PPHLN1: variants seen among roughly 807,000 people sequenced by gnomAD.
The protein encoded by PPHLN1 is periphilin-1.
PPHLN1 carries 29 observed loss-of-function variants against 51.3 expected under a neutral mutation model. The ratio of observed to expected loss-of-function variants is 0.57; its 90% CI spans 0.42 to 0.77. The LOEUF is 0.77. Ranked by LOEUF, PPHLN1 falls within the 30% of genes least tolerant of loss-of-function variation. PPHLN1 has a pLI of 0.00. For missense variants in PPHLN1, 436 were observed against 438.4 expected, an observed-to-expected ratio of 0.99 and a Z score of 0.05; for synonymous variants, 147 against 147.8, an observed-to-expected ratio of 0.99 and a Z score of 0.04.
chr12:42,382,082 T>G (rs187685234), intron 5 of PPHLN1, among the ~76,000 whole-genome samples: 2 of 152,274 alleles, frequency 1.3e-5, no homozygotes, highest in Admixed American at 1.3e-4. Flanking sequence ...TTGGATAAAT[T>G]TGGTTAGATT....
At chr12:42,431,075 A>G (rs1302349382) in intron 9 of PPHLN1, among the ~76,000 whole-genome samples, 2 of 152,248 alleles carry the variant, frequency 1.3e-5, no homozygotes, top group East Asian at 3.9e-4. Context: ...AAACCAAACA[A>G]ACCCTCAAGG....
chr12:42,348,309 A>G (rs2072687836), intron 2 of PPHLN1, among the ~76,000 whole-genome samples: 1 of 107,498 alleles, frequency 9.3e-6, no homozygotes, highest in African/African-American at 3.7e-5. Context: ...TTTAGTAGAA[A>G]CGGGGTTTCA....
At chr12:42,367,369 A>G (rs1344904547) in intron 4 of PPHLN1, among the ~76,000 whole-genome samples, 1 of 152,162 alleles carries the variant, frequency 6.6e-6, no homozygotes, top group Non-Finnish European at 1.5e-5. Flanking sequence ...CCTAGTATAA[A>G]AACACAATTT....
At chr12:42,442,799 T>G, downstream of PPHLN1, 1 of 1,609,386 alleles carries the variant, frequency 6.2e-7, no homozygotes, top group Non-Finnish European at 8.5e-7. Context: ...CAAGCTAGGG[T>G]TTCATCATGG....
At chr12:42,363,948 G>C (rs1455831498) in intron 4 of PPHLN1, among the ~76,000 whole-genome samples, 1 of 152,186 alleles carries the variant, frequency 6.6e-6, no homozygotes. Context: ...TAGCGGTCGG[G>C]CTCAGTGGCT....
chr12:42,336,056 A>G lies in PPHLN1; in HGVS notation c.72+82A>G, dbSNP rs1592186623. The G allele has an allele frequency of 4.6e-6, 4 of 863,008 alleles. No homozygotes were observed. In the East Asian group the frequency reaches 1.2e-4, roughly 25 times the overall value. The allele number at this position is 863,008 out of a possible 1,614,324, so 53.5% of individuals were successfully genotyped here. On this transcript the variant is annotated intron_variant, in intron 2 of 9. Transcript: ENST00000358314. The stretch of plus-strand genomic sequence containing the variant: ...TACACCAAAGCTAGGCCTATTAACA[A>G]AATCTTCAAGTGTCAGAAATTTACC...
At chr12:42,379,609 G>A (rs1386456644) in intron 5 of PPHLN1, among the ~76,000 whole-genome samples, 1 of 151,656 alleles carries the variant, frequency 6.6e-6, no homozygotes, top group East Asian at 1.9e-4. Flanking sequence ...TTACTGGATT[G>A]TAGGCAACTG....
intron 5 of PPHLN1, among the ~76,000 whole-genome samples, chr12:42,378,898 A>G (rs1041032737): frequency 2.6e-5 from 4 of 152,072 alleles, no homozygotes; most frequent in Non-Finnish European, 5.9e-5. Context: ...TGGATATGCA[A>G]TATTATTTTT....
At chr12:42,358,239 C>T (rs769361210) in intron 4 of PPHLN1, among the ~76,000 whole-genome samples, 5 of 151,934 alleles carry the variant, frequency 3.3e-5, no homozygotes, top group Non-Finnish European at 7.4e-5. Context: ...TTTTTTATAA[C>T]ATTTTGTGTA....
chr12:42,380,938 A>G (rs1014904851), intron 5 of PPHLN1, among the ~76,000 whole-genome samples: 2 of 152,200 alleles, frequency 1.3e-5, no homozygotes, highest in African/African-American at 4.8e-5. Flanking sequence ...AGACAGATTC[A>G]ATCTCTGCCT....
intron 2 of PPHLN1, among the ~76,000 whole-genome samples, chr12:42,337,984 G>A (rs369564728): frequency 8.6e-5 from 13 of 151,672 alleles, no homozygotes; most frequent in Non-Finnish European, 1.5e-4. Context: ...GGGTTTCACC[G>A]TGTTGGCCAG....
chr12:42,418,032 TG>T (rs1364413339), intron 9 of PPHLN1, among the ~76,000 whole-genome samples: 1 of 141,384 alleles, frequency 7.1e-6, no homozygotes, highest in Non-Finnish European at 1.5e-5. Flanking sequence ...CTCCGCCTCC[TG>T]GGTTCACGCC....
At chr12:42,380,040 C>T (rs1033364879) in intron 5 of PPHLN1, among the ~76,000 whole-genome samples, 3 of 151,928 alleles carry the variant, frequency 2.0e-5, no homozygotes, top group African/African-American at 4.8e-5. Flanking sequence ...CAAGGAAGAC[C>T]CTGTCAGGTG....
At chr12:42,417,903 GAA>G (rs59776476) in intron 9 of PPHLN1, among the ~76,000 whole-genome samples, 3 of 97,436 alleles carry the variant, frequency 3.1e-5, no homozygotes, top group African/African-American at 1.1e-4. Context: ...AGGGAAAAAA[GAA>G]AAAAAAAAGC....
intron 9 of PPHLN1, among the ~76,000 whole-genome samples, chr12:42,426,172 C>CA (rs2081440159): frequency 1.6e-5 from 2 of 122,126 alleles, no homozygotes; most frequent in African/African-American, 7.0e-5. Flanking sequence ...AGACTTGACA[C>CA]CACACACACA....
downstream of PPHLN1, chr12:42,443,712 T>C (rs2083134068): frequency 6.6e-6 from 1 of 152,226 alleles, no homozygotes; most frequent in Non-Finnish European, 1.5e-5. Flanking sequence ...AAATGGAGAC[T>C]TTTGCATGGC....
At chr12:42,342,103 A>G (rs916790671) in intron 2 of PPHLN1, among the ~76,000 whole-genome samples, 2 of 151,800 alleles carry the variant, frequency 1.3e-5, no homozygotes, top group Non-Finnish European at 1.5e-5. Context: ...TCACCACAGA[A>G]TATCTACACT....
intron 9 of PPHLN1, among the ~76,000 whole-genome samples, chr12:42,429,903 A>G (rs1413428120): frequency 6.6e-6 from 1 of 152,144 alleles, no homozygotes; most frequent in Non-Finnish European, 1.5e-5. Flanking sequence ...CTTTTGCTCT[A>G]TTTGTTTTGT....
intron 5 of PPHLN1, among the ~76,000 whole-genome samples, chr12:42,378,073 GCTAT>G (rs146843567): frequency 0.11 from 17,046 of 150,888 alleles, 1,096 homozygotes; most frequent in African/African-American, 0.16. Context: ...CCTGCATCTA[GCTAT>G]CTATCTATCT....
Sources: gnomAD v4.1 joint callset for allele counts (sites outside exome capture counted in the v4.1 genomes callset) on GRCh38, gnomAD v4.1.1 for gene constraint, MANE v1.5 for transcripts, NCBI Gene and HGNC (gene_info 2026-07-23, HGNC 2026-07-21) for gene names.